Variants in ENOX1 observed in about 807,000 individuals in gnomAD.
ENOX1 encodes ecto-NOX disulfide-thiol exchanger 1.
In ENOX1, 42 loss-of-function variants were observed where a neutral mutation model predicts 82.5. The observed-to-expected ratio is 0.51, with a 90% CI of 0.40 to 0.66. The LOEUF is 0.66. ENOX1 is among the 30% of genes least tolerant of loss of function. The pLI is 0.00. For synonymous variants in ENOX1, 271 were observed against 282.2 expected (o/e 0.96, Z 0.40); for missense variants, 608 against 811.6 (o/e 0.75, Z 3.05).
At chr13:43,483,882 G>T in intron 3 of ENOX1, 127 bp downstream of exon 3, 1 of 410,804 alleles carries the variant, frequency 2.4e-6, no homozygotes, top group Non-Finnish European at 3.3e-6. Context: ...ATGAAATTAA[G>T]AAATGAAAAT....
chr13:43,400,926 A>C (rs2053459955), intron 5 of ENOX1, among the ~76,000 whole-genome samples: 1 of 152,212 alleles, frequency 6.6e-6, no homozygotes, highest in South Asian at 2.1e-4. Flanking sequence ...GAAACACTTT[A>C]GGCAGATAGA....
chr13:43,766,971 A>G (rs1329972613), intron 1 of ENOX1, among the ~76,000 whole-genome samples: 2 of 152,172 alleles, frequency 1.3e-5, no homozygotes, highest in African/African-American at 4.8e-5. Context: ...TAAAAAAAAA[A>G]AAATTGCCCA....
rs183849090 is a variant in ENOX1, at chr13:43,632,097, T to G, written c.-219+35382A>C. On this transcript the variant is annotated intron_variant, in intron 2 of 16. Transcript: ENST00000690772. ...TTCATGCCCTTTGATCAATTTTCTA[T>G]TGAGATGTTAGGTTTTTTTCTTCTG... Among the ~76,000 whole-genome samples the G allele has an allele frequency of 9.8e-5, 15 of 152,330 alleles. No individual in the cohort carries two copies. In the East Asian group the frequency reaches 2.5e-3, roughly 25 times the overall value.
intron 16 of ENOX1, among the ~76,000 whole-genome samples, chr13:43,223,747 C>T (rs1490434621): frequency 1.3e-5 from 2 of 152,184 alleles, no homozygotes; most frequent in African/African-American, 4.8e-5. Flanking sequence ...CACCTGATTT[C>T]ACCCTTATTT....
At chr13:43,263,275 C>G (rs769681837) in intron 14 of ENOX1, among the ~76,000 whole-genome samples, 20 of 152,096 alleles carry the variant, frequency 1.3e-4, no homozygotes, top group Non-Finnish European at 2.5e-4. Flanking sequence ...GGTGGCCACC[C>G]GCAGTGACTG....
chr13:43,781,497 T>C (rs1385312847), intron 1 of ENOX1, among the ~76,000 whole-genome samples: 1 of 152,108 alleles, frequency 6.6e-6, no homozygotes, highest in Admixed American at 6.5e-5. Flanking sequence ...GTTCTCCCAA[T>C]CAAATACTAC....
intron 12 of ENOX1, among the ~76,000 whole-genome samples, chr13:43,294,694 T>A (rs926097543): frequency 1.1e-4 from 16 of 152,212 alleles, no homozygotes; most frequent in African/African-American, 3.9e-4. Flanking sequence ...TATAGCAGAT[T>A]TATTCCCATT....
intron 2 of ENOX1, among the ~76,000 whole-genome samples, chr13:43,592,100 G>A (rs887454210): frequency 6.6e-6 from 1 of 152,154 alleles, no homozygotes; most frequent in African/African-American, 2.4e-5. Flanking sequence ...CACCGTGTGT[G>A]CTCAACAAGC....
chr13:43,692,587 T>C (rs1026210760), intron 1 of ENOX1, among the ~76,000 whole-genome samples: 1 of 152,112 alleles, frequency 6.6e-6, no homozygotes. Context: ...ATCTCCCTAA[T>C]ATATAAAGAA....
At chr13:43,509,317 A>C (rs545420115) in intron 2 of ENOX1, among the ~76,000 whole-genome samples, 5 of 152,092 alleles carry the variant, frequency 3.3e-5, no homozygotes, top group Non-Finnish European at 7.4e-5. Context: ...CTAGTACAAC[A>C]ATGGATGACT....
rs147176660 is a variant in ENOX1 at position 43,418,920 on chromosome 13, A to T, written c.-74-5932T>A. The stretch of plus-strand genomic sequence containing the variant: ...AGTCTATGAAAATACTATTTGGCTT[A>T]AAAAATGGCACAGGTTTGGGAGGCT... On this transcript the variant is annotated intron_variant, in intron 3 of 16. Transcript: ENST00000690772. Among the ~76,000 whole-genome samples, 200 of 152,308 alleles carry T rather than the reference A, an allele frequency of 1.3e-3. 2 individuals carry two copies. In the East Asian group the frequency reaches 0.029, roughly 22 times the overall value.
intron 1 of ENOX1, among the ~76,000 whole-genome samples, chr13:43,706,116 TA>T (rs963130960): frequency 6.6e-6 from 1 of 151,702 alleles, no homozygotes; most frequent in African/African-American, 2.4e-5. Context: ...TAATAACATA[TA>T]AAAATGTGTG....
rs9567248 is a variant in ENOX1, at chr13:43,696,753, C to T, written c.-284-29209G>A. On this transcript the variant is annotated intron_variant, in intron 1 of 16. Transcript: ENST00000690772. ...AAACTATAACCAGGACAATTCAAGA[C>T]GTACGTAAATAATGACAGGACACAT... Among the ~76,000 whole-genome samples the T allele has an allele frequency of 9.3e-3, 1,396 of 150,004 alleles. 20 individuals carry two copies. Among genetic ancestry groups the T allele is most frequent in the African/African-American group, 0.031 (1,281 of 40,884 alleles).
At chr13:43,390,579 T>C (rs2052713297) in intron 5 of ENOX1, among the ~76,000 whole-genome samples, 1 of 152,180 alleles carries the variant, frequency 6.6e-6, no homozygotes, top group Non-Finnish European at 1.5e-5. Context: ...TGAAAAACCT[T>C]TACCCAAATC....
intron 5 of ENOX1, among the ~76,000 whole-genome samples, chr13:43,364,525 C>T (rs2050724645): frequency 6.6e-6 from 1 of 152,002 alleles, no homozygotes. Flanking sequence ...TTTTGGTTGT[C>T]TGTTCCCAGT....
chr13:43,515,135 G>A (rs564621160), intron 2 of ENOX1, among the ~76,000 whole-genome samples: 1 of 152,280 alleles, frequency 6.6e-6, no homozygotes, highest in East Asian at 1.9e-4. Flanking sequence ...CACGGCAGAG[G>A]TGGGACCAAA....
chr13:43,228,312 G>A (rs543759053), intron 15 of ENOX1, among the ~76,000 whole-genome samples: 11 of 152,188 alleles, frequency 7.2e-5, no homozygotes, highest in Admixed American at 3.3e-4. Flanking sequence ...GGATCTCCAA[G>A]GGGATGGCTC....
intron 1 of ENOX1, among the ~76,000 whole-genome samples, chr13:43,677,527 T>C (rs1016500833): frequency 4.6e-5 from 7 of 152,308 alleles, no homozygotes; most frequent in East Asian, 1.9e-4. Flanking sequence ...TCTCCCTTCA[T>C]ACTCAAAACA....
At chr13:43,350,599 C>A (rs1351931461) in intron 8 of ENOX1, among the ~76,000 whole-genome samples, 1 of 152,192 alleles carries the variant, frequency 6.6e-6, no homozygotes, top group Non-Finnish European at 1.5e-5. Context: ...GCATGCGCCA[C>A]CAGGCCCGGC....
Sources: gnomAD v4.1 joint callset for allele counts (sites outside exome capture counted in the v4.1 genomes callset) on GRCh38, gnomAD v4.1.1 for gene constraint, MANE v1.5 for transcripts, NCBI Gene and HGNC (gene_info 2026-07-23, HGNC 2026-07-21) for gene names.